Variants in RBFOX3 observed in about 807,000 individuals in gnomAD.
RBFOX3 encodes RNA binding protein fox-1 homolog 3.
In RBFOX3, 17 loss-of-function variants were observed where a neutral mutation model predicts 48.7. That is an observed-to-expected ratio of 0.35 (90% CI 0.24 to 0.52). The LOEUF (loss-of-function observed/expected upper bound fraction) is 0.52. Among genes scored for constraint, RBFOX3 ranks in the 20% least tolerant of loss-of-function variants. The pLI is 0.94. For synonymous variants in RBFOX3, 212 were observed against 209.5 expected (o/e 1.01, Z -0.10); for missense variants, 382 against 497.5 (o/e 0.77, Z 2.21).
intron 1 of RBFOX3, among the ~76,000 whole-genome samples, chr17:79,483,550 C>T (rs1319649309): frequency 6.9e-6 from 1 of 144,422 alleles, no homozygotes; most frequent in African/African-American, 2.6e-5. Flanking sequence ...AAATAACCAG[C>T]ATCCCTATGG....
chr17:79,453,650 G>A (rs1193571484), intron 2 of RBFOX3, among the ~76,000 whole-genome samples: 1 of 152,190 alleles, frequency 6.6e-6, no homozygotes, highest in African/African-American at 2.4e-5. Flanking sequence ...ATGTGCAGGT[G>A]TGGCCAGGCA....
At chr17:79,188,982 G>A (rs939113126) in intron 4 of RBFOX3, among the ~76,000 whole-genome samples, 5 of 152,226 alleles carry the variant, frequency 3.3e-5, no homozygotes, top group African/African-American at 9.6e-5. Context: ...CCAAGCCACC[G>A]TTTGGCAAAC....
chr17:79,316,429 T>A (rs918770025), intron 2 of RBFOX3, among the ~76,000 whole-genome samples: 16 of 152,186 alleles, frequency 1.1e-4, no homozygotes, highest in African/African-American at 3.9e-4. Context: ...TGGGCAGCCC[T>A]CCTTGGGCAG....
intron 4 of RBFOX3, among the ~76,000 whole-genome samples, chr17:79,228,727 G>A (rs2147690727): frequency 6.6e-6 from 1 of 152,292 alleles, no homozygotes; most frequent in South Asian, 2.1e-4. Context: ...GTGAGTTTGG[G>A]TTAACCCTTT....
chr17:79,512,373 G>A (rs1252360663), intron 1 of RBFOX3, among the ~76,000 whole-genome samples: 60 of 99,600 alleles, frequency 6.0e-4, no homozygotes, highest in Middle Eastern at 0.025. Flanking sequence ...ACACCCACCC[G>A]GATACATGTT....
intron 2 of RBFOX3, among the ~76,000 whole-genome samples, chr17:79,439,790 G>T (rs1162098256): frequency 2.6e-5 from 4 of 152,140 alleles, no homozygotes; most frequent in Non-Finnish European, 1.5e-5. Flanking sequence ...ACACATACAT[G>T]CACACACACA....
At chr17:79,422,849 G>T (rs1286182430) in intron 2 of RBFOX3, among the ~76,000 whole-genome samples, 2 of 152,174 alleles carry the variant, frequency 1.3e-5, no homozygotes, top group Admixed American at 1.3e-4. Flanking sequence ...ACCCTCATCG[G>T]ATGGGATTGA....
At chr17:79,360,248 A>G (rs2086054681) in intron 2 of RBFOX3, among the ~76,000 whole-genome samples, 1 of 152,140 alleles carries the variant, frequency 6.6e-6, no homozygotes, top group Non-Finnish European at 1.5e-5. Flanking sequence ...CGATATCTGA[A>G]GCAACCAACA....
intron 2 of RBFOX3, among the ~76,000 whole-genome samples, chr17:79,435,841 G>A (rs1297407341): frequency 4.6e-5 from 7 of 152,098 alleles, no homozygotes; most frequent in Admixed American, 6.6e-5. Context: ...GCACATCCCC[G>A]GCCACCTCCT....
chr17:79,438,068 A>T (rs1349855872), intron 2 of RBFOX3, among the ~76,000 whole-genome samples: 1 of 149,416 alleles, frequency 6.7e-6, no homozygotes, highest in East Asian at 2.0e-4. Flanking sequence ...ATACACAAGC[A>T]CACATGTATA....
intron 2 of RBFOX3, among the ~76,000 whole-genome samples, chr17:79,332,445 T>C (rs2080462676): frequency 6.6e-6 from 1 of 151,966 alleles, no homozygotes. Context: ...AGGCAGGCTC[T>C]GGGGTCCACG....
At chr17:79,182,658 C>T (rs556426578) in intron 4 of RBFOX3, among the ~76,000 whole-genome samples, 3 of 151,948 alleles carry the variant, frequency 2.0e-5, no homozygotes, top group Non-Finnish European at 4.4e-5. Context: ...CCAACCCCAA[C>T]TCGCCAGCCG....
intron 3 of RBFOX3, among the ~76,000 whole-genome samples, chr17:79,302,207 A>G (rs2075419864): frequency 6.6e-6 from 1 of 152,210 alleles, no homozygotes; most frequent in Non-Finnish European, 1.5e-5. Context: ...ATTCCTTCAC[A>G]CAATAAATAA....
At chr17:79,268,369 T>C (rs1441473800) in intron 3 of RBFOX3, among the ~76,000 whole-genome samples, 1 of 152,178 alleles carries the variant, frequency 6.6e-6, no homozygotes, top group Non-Finnish European at 1.5e-5. Context: ...ACATTGCCTC[T>C]TGATGGCTTC....
chr17:79,207,396 G>T (rs985662694), intron 4 of RBFOX3, among the ~76,000 whole-genome samples: 5 of 152,234 alleles, frequency 3.3e-5, no homozygotes, highest in Non-Finnish European at 4.4e-5. Flanking sequence ...CCTGCTCAGT[G>T]GCCTGAGGCC....
At chr17:79,625,606 A>C in the RBFOX3 span, among the ~76,000 whole-genome samples, 2 of 152,216 alleles carry the variant, frequency 1.3e-5, no homozygotes, top group Non-Finnish European at 2.9e-5. Context: ...AGCCTGGCCA[A>C]CATGGTGAAA....
intron 2 of RBFOX3, among the ~76,000 whole-genome samples, chr17:79,308,439 G>A (rs1568015598): frequency 6.6e-6 from 1 of 152,202 alleles, no homozygotes; most frequent in Non-Finnish European, 1.5e-5. Context: ...CTTCTCTGGG[G>A]TTGACAGTGT....
intron 3 of RBFOX3, among the ~76,000 whole-genome samples, chr17:79,303,652 G>C (rs12602719): frequency 0.024 from 3,683 of 152,190 alleles, 107 homozygotes; most frequent in South Asian, 0.15. Context: ...AGAGAGAAAT[G>C]ATAGTTTACT....
chr17:79,438,946 G>C (rs781852031), intron 2 of RBFOX3, among the ~76,000 whole-genome samples: 18 of 152,224 alleles, frequency 1.2e-4, no homozygotes, highest in Non-Finnish European at 2.6e-4. Flanking sequence ...GGGGCAGGAA[G>C]CTGGGGAAAT....
Sources: gnomAD v4.1 joint callset for allele counts (sites outside exome capture counted in the v4.1 genomes callset) on GRCh38, gnomAD v4.1.1 for gene constraint, MANE v1.5 for transcripts, NCBI Gene and HGNC (gene_info 2026-07-23, HGNC 2026-07-21) for gene names.